Variants in KDM6A observed in about 807,000 individuals in gnomAD.
KDM6A encodes lysine demethylase 6A, also known as lysine-specific demethylase 6A.
KDM6A carries 11 observed loss-of-function variants against 117.6 expected under a neutral mutation model. That is an observed-to-expected ratio of 0.09 (90% confidence interval 0.06 to 0.15). The LOEUF (loss-of-function observed/expected upper bound fraction) is 0.15, where lower values mean the gene tolerates loss of function less well. Ranked by LOEUF, KDM6A falls within the 10% of genes least tolerant of loss-of-function variation. The probability of loss-of-function intolerance (pLI) is 1.00; values close to 1 mark genes in which losing one functional copy is unlikely to be tolerated. For missense variants in KDM6A, 799 were observed against 1,077.3 expected, an observed-to-expected ratio of 0.74 and a Z score of 3.62; for synonymous variants, 384 against 396.1, an observed-to-expected ratio of 0.97 and a Z score of 0.36.
At chrX:45,029,718 A>AT (rs1346856356) in intron 6 of KDM6A, among the ~76,000 whole-genome samples, 1 of 111,600 alleles carries the variant, frequency 9.0e-6, no homozygotes, top group African/African-American at 3.3e-5. Flanking sequence ...ATTTGTGTAC[A>AT]TATCAGTCTC....
At position 44,984,409 on chromosome X, in the gene KDM6A, A is replaced by C. The variant is rs1483025777; in HGVS notation, c.384+9694A>C. ...TTCTTTTGCTGTGCAGAAGCTCTTT[A>C]GTTTAATTAGATCCCATTTGTCAAT... On this transcript the variant is annotated intron_variant, in intron 4 of 29. Transcript: ENST00000611820. Among the ~76,000 whole-genome samples the C allele has an allele frequency of 5.4e-5, 6 of 111,054 alleles. No homozygotes were observed. In the Middle Eastern group the frequency reaches 0.019, roughly 343 times the overall value.
At chrX:44,879,651 G>GAGGGGTGAGATA (rs1274612206) in intron 2 of KDM6A, among the ~76,000 whole-genome samples, 6 of 112,064 alleles carry the variant, frequency 5.4e-5, no homozygotes, top group Non-Finnish European at 9.4e-5. Flanking sequence ...AATTCTTTAA[G>GAGGGGTGAGATA]AGGGGTGAGA....
At chrX:44,969,159 C>T (rs1012116217) in intron 3 of KDM6A, among the ~76,000 whole-genome samples, 2 of 110,497 alleles carry the variant, frequency 1.8e-5, no homozygotes, top group African/African-American at 6.6e-5. Context: ...ATTGTTTCTT[C>T]ATATTTTTGA....
At chrX:44,951,420 T>C (rs372037598) in intron 2 of KDM6A, among the ~76,000 whole-genome samples, 1 of 111,891 alleles carries the variant, frequency 8.9e-6, no homozygotes. Context: ...TTTATACATA[T>C]ACATATGTAT....
chrX:45,101,963 G>A (rs1210862764), intron 27 of KDM6A, among the ~76,000 whole-genome samples: 1 of 111,190 alleles, frequency 9.0e-6, no homozygotes, highest in African/African-American at 3.3e-5. Context: ...CTGAGGCACA[G>A]AGGTGTGCAG....
chrX:44,982,276 CATTG>C (rs772677347), intron 4 of KDM6A, among the ~76,000 whole-genome samples: 103 of 111,147 alleles, frequency 9.3e-4, no homozygotes, highest in African/African-American at 2.8e-3. Context: ...TTTTTTTGTA[CATTG>C]ATTGATTAAA....
At chrX:45,030,315 T>C (rs1291754567) in intron 6 of KDM6A, among the ~76,000 whole-genome samples, 1 of 74,580 alleles carries the variant, frequency 1.3e-5, no homozygotes, top group African/African-American at 5.5e-5. Context: ...TTTTTTTTGT[T>C]AAAGAAATTT....
intron 3 of KDM6A, among the ~76,000 whole-genome samples, chrX:44,971,735 A>G (rs2039351603): frequency 9.0e-6 from 1 of 111,249 alleles, no homozygotes; most frequent in South Asian, 3.8e-4. Flanking sequence ...TTTGCCATAT[A>G]TAACCTTGTG....
At chrX:44,936,210 A>C in intron 2 of KDM6A, among the ~76,000 whole-genome samples, 1 of 111,409 alleles carries the variant, frequency 9.0e-6, no homozygotes, top group Non-Finnish European at 1.9e-5. Flanking sequence ...AACTCCTGCT[A>C]TCTTATAAAA....
chrX:44,883,492 C>G (rs1173389938), intron 2 of KDM6A, among the ~76,000 whole-genome samples: 4 of 110,711 alleles, frequency 3.6e-5, no homozygotes, highest in African/African-American at 1.3e-4. Flanking sequence ...CCTGCTTCAG[C>G]CTCCCGAATA....
At chrX:45,044,942 G>A (rs188903652) in intron 8 of KDM6A, among the ~76,000 whole-genome samples, 94 of 111,065 alleles carry the variant, frequency 8.5e-4, no homozygotes, top group Non-Finnish European at 1.3e-3. Flanking sequence ...ATAGATAAGT[G>A]CTATAATACT....
At chrX:45,100,028 T>C (rs776634587) in intron 27 of KDM6A, among the ~76,000 whole-genome samples, 2 of 108,206 alleles carry the variant, frequency 1.8e-5, no homozygotes, top group South Asian at 4.1e-4. Flanking sequence ...AGCAAGACTC[T>C]GTCTCAAAAA....
rs756894386 is a variant in KDM6A at position 45,055,951 on chromosome X, T to C, written c.875+1996T>C. Among the ~76,000 whole-genome samples, 17 of 111,706 alleles carry C rather than the reference T, an allele frequency of 1.5e-4. No individual in the cohort carries two copies. The South Asian group carries it at 4.8e-3, about 32-fold the overall frequency. On this transcript the variant is annotated intron_variant, in intron 10 of 29. Transcript: ENST00000611820. Reference sequence around the variant, plus strand: ...GTAGAATTAACTATCATAGTCATGCTGTAATTTTCAGCTTCGATGAGCAGT... The same window carrying C: ...GTAGAATTAACTATCATAGTCATGCCGTAATTTTCAGCTTCGATGAGCAGT...
At chrX:45,097,328 A>G (rs1297073752) in intron 27 of KDM6A, among the ~76,000 whole-genome samples, 3 of 111,092 alleles carry the variant, frequency 2.7e-5, no homozygotes, top group African/African-American at 9.8e-5. Flanking sequence ...ATAACAGACC[A>G]CATGTACCCC....
intron 27 of KDM6A, among the ~76,000 whole-genome samples, chrX:45,105,774 A>G (rs2046506848): frequency 8.9e-6 from 1 of 112,425 alleles, no homozygotes; most frequent in Non-Finnish European, 1.9e-5. Flanking sequence ...GCTGCAGACC[A>G]GTATCAGTCC....
chrX:44,919,042 A>G (rs779171780), intron 2 of KDM6A, among the ~76,000 whole-genome samples: 1 of 111,801 alleles, frequency 8.9e-6, no homozygotes, highest in Non-Finnish European at 1.9e-5. Context: ...TAGGTGTAGT[A>G]TAATTTTTAA....
chrX:44,890,587 T>G (rs7061808), intron 2 of KDM6A, among the ~76,000 whole-genome samples: 22,527 of 107,591 alleles, frequency 0.21, 4,288 homozygotes, highest in African/African-American at 0.6. Context: ...TTAGGATGTA[T>G]TGATAGGTCA....
At chrX:45,089,627 AT>A in intron 25 of KDM6A, 115 bp from the exon 26 acceptor site, 1 of 543,259 alleles carries the variant, frequency 1.8e-6, no homozygotes, top group Non-Finnish European at 3.2e-6. Flanking sequence ...ACAAGCAATT[AT>A]GTTTCAATAA....
At chrX:45,061,539 T>C in intron 15 of KDM6A, 120 bp downstream of exon 15, 1 of 369,733 alleles carries the variant, frequency 2.7e-6, no homozygotes, top group Non-Finnish European at 4.7e-6. Flanking sequence ...TCACCCAGGC[T>C]GGAGTATAGT....
Sources: allele counts gnomAD v4.1 joint callset (sites outside exome capture counted in the v4.1 genomes callset), GRCh38; gene constraint gnomAD v4.1.1; transcripts MANE v1.5; gene names NCBI Gene and HGNC (gene_info 2026-07-23, HGNC 2026-07-21).